The following GIGYF2 variants were observed in gnomAD, a reference collection of about 807,000 sequenced individuals.
GIGYF2 encodes the protein GRB10-interacting GYF protein 2.
GIGYF2 carries 25 observed loss-of-function variants against 208.1 expected under a neutral mutation model. The observed-to-expected ratio is 0.12, with a 90% CI of 0.09 to 0.17. The LOEUF is 0.17. Among genes scored for constraint, GIGYF2 ranks in the 10% least tolerant of loss-of-function variants. The pLI is 1.00. For synonymous variants in GIGYF2, 534 were observed against 543.8 expected (o/e 0.98, Z 0.25); for missense variants, 1,302 against 1,579.4 (o/e 0.82, Z 2.98).
intron 28 of GIGYF2, among the ~76,000 whole-genome samples, chr2:232,852,171 TTCTC>T (rs1405275484): frequency 6.6e-6 from 1 of 152,176 alleles, no homozygotes; most frequent in African/African-American, 2.4e-5. Flanking sequence ...CTTGGTAGGA[TTCTC>T]TCTTTCCCTC....
intron 3 of GIGYF2, among the ~76,000 whole-genome samples, chr2:232,746,169 C>T (rs189487530): frequency 4.1e-4 from 61 of 150,420 alleles, no homozygotes; most frequent in Admixed American, 9.9e-4. Flanking sequence ...AAATTTTCCA[C>T]AATAAGTAAA....
At chr2:232,703,288 T>C (rs1226218300) in intron 1 of GIGYF2, 136 bp from the exon 2 acceptor site, 1 of 152,610 alleles carries the variant, frequency 6.6e-6, no homozygotes, top group Non-Finnish European at 1.5e-5. Flanking sequence ...AGTTTATAAA[T>C]ACACCAGGTG....
At chr2:232,840,525 CTCATTCATTCAT>C (rs56108365) in intron 23 of GIGYF2, among the ~76,000 whole-genome samples, 7 of 151,330 alleles carry the variant, frequency 4.6e-5, no homozygotes, top group African/African-American at 1.5e-4. Context: ...CCATTCGGTG[CTCATTCATTCAT>C]TCATTCATTC....
intron 6 of GIGYF2, among the ~76,000 whole-genome samples, chr2:232,758,209 A>C (rs1698619888): frequency 6.6e-6 from 1 of 152,236 alleles, no homozygotes; most frequent in African/African-American, 2.4e-5. Context: ...TTGTATAGGC[A>C]GAGCTAACAC....
At chr2:232,811,198 C>A in intron 16 of GIGYF2, 46 bp from the exon 17 acceptor site, 1 of 1,008,484 alleles carries the variant, frequency 9.9e-7, no homozygotes, top group Non-Finnish European at 1.6e-6. Context: ...GCCATGTGAA[C>A]TAAGTGTGGA....
intron 6 of GIGYF2, 99 bp downstream of exon 6, chr2:232,756,433 C>A: frequency 1.6e-6 from 1 of 632,780 alleles, no homozygotes. Context: ...AAAAACTGTT[C>A]TTTGACATTA....
chr2:232,842,516 G>C (rs10933412), intron 23 of GIGYF2, among the ~76,000 whole-genome samples: 101,631 of 152,038 alleles, frequency 0.67, 34,272 homozygotes, highest in Admixed American at 0.71. Flanking sequence ...CTCCTATTTT[G>C]CCGTTCTCTT....
chr2:232,817,754 C>G (rs1324593600), intron 20 of GIGYF2, among the ~76,000 whole-genome samples: 1 of 152,062 alleles, frequency 6.6e-6, no homozygotes, highest in African/African-American at 2.4e-5. Context: ...TTATCCATTC[C>G]TATTTTGTTT....
At chr2:232,814,934 C>T (rs1867778) in intron 18 of GIGYF2, among the ~76,000 whole-genome samples, 99,146 of 151,976 alleles carry the variant, frequency 0.65, 32,654 homozygotes, top group Admixed American at 0.7. Context: ...AAAAGTGGTG[C>T]TAGAAAACTT....
intron 22 of GIGYF2, among the ~76,000 whole-genome samples, chr2:232,834,457 G>A (rs1701519145): frequency 6.6e-6 from 1 of 152,092 alleles, no homozygotes; most frequent in Non-Finnish European, 1.5e-5. Flanking sequence ...GAGGCTTCTT[G>A]AAAAAAGGTA....
rs1697400852 is a variant in GIGYF2 at position 232,730,236 on chromosome 2, A to G, written c.-43-4919A>G. On this transcript the variant is annotated intron_variant, in intron 2 of 28. Coordinates refer to ENST00000373563, the MANE Select transcript of GIGYF2 (RefSeq NM_001103146.3). The stretch of plus-strand genomic sequence containing the variant: ...ACCTGAGAGCTGAGGAGCAGCAGAA[A>G]GAGCTCAAGTTGTGGGCACCCTGTG... 2.9e-6 allele frequency: 3 copies of G among 1,020,328 alleles called. No individual in the cohort carries two copies. The Admixed American group carries it at 5.8e-5, about 20-fold the overall frequency. The allele number at this position is 1,020,328 out of a possible 1,614,324, so 63.2% of individuals were successfully genotyped here.
chr2:232,783,648 CT>C (rs60710335), intron 8 of GIGYF2, among the ~76,000 whole-genome samples: 20,350 of 151,056 alleles, frequency 0.13, 1,866 homozygotes, highest in East Asian at 0.41. Context: ...AAAATAATTT[CT>C]TTTTTTTTGT....
At chr2:232,721,155 C>T (rs1017912485) in intron 2 of GIGYF2, among the ~76,000 whole-genome samples, 1 of 152,136 alleles carries the variant, frequency 6.6e-6, no homozygotes, top group African/African-American at 2.4e-5. Flanking sequence ...TTTGAGTGCC[C>T]CTGTCTTTCA....
intron 14 of GIGYF2, among the ~76,000 whole-genome samples, chr2:232,800,640 A>G (rs1386411038): frequency 6.7e-6 from 1 of 149,942 alleles, no homozygotes; most frequent in Non-Finnish European, 1.5e-5. Flanking sequence ...GCTGGAGTGC[A>G]GTGGTATGAT....
intron 4 of GIGYF2, 106 bp downstream of exon 4, chr2:232,747,850 A>G (rs1463457833): frequency 4.8e-6 from 5 of 1,032,548 alleles, no homozygotes; most frequent in South Asian, 2.7e-5. Context: ...GTATTGACCC[A>G]TGCCTTTCCA....
chr2:232,840,108 C>G (rs1456371829), intron 23 of GIGYF2, 137 bp downstream of exon 23: 3 of 943,240 alleles, frequency 3.2e-6, no homozygotes, highest in East Asian at 2.6e-5. Flanking sequence ...TATTAAACTT[C>G]AGCCCATAAT....
intron 2 of GIGYF2, among the ~76,000 whole-genome samples, chr2:232,721,445 T>C (rs1298300169): frequency 6.6e-6 from 1 of 152,248 alleles, no homozygotes; most frequent in African/African-American, 2.4e-5. Flanking sequence ...TAATCTTACC[T>C]TTCCTTTAGC....
chr2:232,838,598 CT>C (rs1217516949), intron 22 of GIGYF2, among the ~76,000 whole-genome samples: 1 of 152,170 alleles, frequency 6.6e-6, no homozygotes, highest in Non-Finnish European at 1.5e-5. Context: ...CCTGCCTTCC[CT>C]TCTGATCTTC....
chr2:232,727,262 G>A (rs559870231), intron 2 of GIGYF2, among the ~76,000 whole-genome samples: 20 of 152,230 alleles, frequency 1.3e-4, no homozygotes, highest in Non-Finnish European at 1.0e-4. Flanking sequence ...CACTGTGCCC[G>A]GCCCATCATA....
Sources: gnomAD v4.1 joint callset for allele counts (sites outside exome capture counted in the v4.1 genomes callset) on GRCh38, gnomAD v4.1.1 for gene constraint, MANE v1.5 for transcripts, NCBI Gene and HGNC (gene_info 2026-07-23, HGNC 2026-07-21) for gene names.